XPR1: variants seen among roughly 807,000 people sequenced by gnomAD.
XPR1 encodes xenotropic and polytropic retrovirus receptor 1.
Under a neutral mutation model 87.5 loss-of-function variants are expected in XPR1, and 28 were observed. That is an observed-to-expected ratio of 0.32 (90% CI 0.24 to 0.44). The LOEUF is 0.44. Among genes scored for constraint, XPR1 ranks in the 20% least tolerant of loss-of-function variants. The pLI, the probability that XPR1 is intolerant of heterozygous loss-of-function variation, is 1.00. For missense variants in XPR1, 559 were observed against 862.3 expected (o/e 0.65, Z 4.41); for synonymous variants, 300 against 306.1 (o/e 0.98, Z 0.21).
chr1:180,788,567 C>T (rs771848160), intron 3 of XPR1, among the ~76,000 whole-genome samples: 1 of 152,092 alleles, frequency 6.6e-6, no homozygotes, highest in African/African-American at 2.4e-5. Flanking sequence ...AAATGTTACA[C>T]ATAGTTCCTG....
At chr1:180,840,326 A>C (rs1299714313) in intron 11 of XPR1, among the ~76,000 whole-genome samples, 1 of 152,004 alleles carries the variant, frequency 6.6e-6, no homozygotes, top group Non-Finnish European at 1.5e-5. Flanking sequence ...TTACATTTAC[A>C]AAAGGAATTT....
At chr1:180,769,095 GTTT>G (rs1046420478) in intron 2 of XPR1, among the ~76,000 whole-genome samples, 17 of 151,432 alleles carry the variant, frequency 1.1e-4, no homozygotes, top group African/African-American at 3.6e-4. Flanking sequence ...ATATTTTTTC[GTTT>G]TTTAAAACAT....
At chr1:180,828,113 G>A (rs1300474973) in intron 9 of XPR1, among the ~76,000 whole-genome samples, 1 of 151,922 alleles carries the variant, frequency 6.6e-6, no homozygotes, top group Non-Finnish European at 1.5e-5. Flanking sequence ...CTGGGCTCAA[G>A]TCATCTGCCT....
intron 2 of XPR1, among the ~76,000 whole-genome samples, chr1:180,708,433 A>C (rs1657630830): frequency 6.6e-6 from 1 of 152,214 alleles, no homozygotes; most frequent in Non-Finnish European, 1.5e-5. Context: ...ATGCCATTGA[A>C]TTGTACTCTT....
intron 3 of XPR1, among the ~76,000 whole-genome samples, chr1:180,796,469 G>A (rs74135836): frequency 0.017 from 2,564 of 152,224 alleles, 71 homozygotes; most frequent in African/African-American, 0.057. Context: ...AAGGAAGAGA[G>A]TCATTACTTT....
At chr1:180,735,042 C>T (rs1162765491) in intron 2 of XPR1, among the ~76,000 whole-genome samples, 2 of 152,176 alleles carry the variant, frequency 1.3e-5, no homozygotes, top group African/African-American at 4.8e-5. Context: ...GTTCTCTTGA[C>T]TTACTCATAG....
chr1:180,769,716 A>G (rs1571820093), intron 2 of XPR1, among the ~76,000 whole-genome samples: 2 of 152,270 alleles, frequency 1.3e-5, no homozygotes, highest in East Asian at 3.9e-4. Context: ...AGTCTTGGCT[A>G]TTGTGAACGG....
chr1:180,760,718 A>C lies in XPR1; in HGVS notation c.122-27035A>C, dbSNP rs531814879. ...GGTAATTTATAGATTCAATCCCATCACCATCAAGCTACCAATGGACTTTCT... is the reference window on the plus strand; with the variant it reads ...GGTAATTTATAGATTCAATCCCATCCCCATCAAGCTACCAATGGACTTTCT... On this transcript the variant is annotated intron_variant, in intron 2 of 14. Transcript: ENST00000367590. 2.6e-5 allele frequency among the ~76,000 whole-genome samples: 4 copies of C among 152,276 alleles called. No homozygotes were observed. The South Asian group carries it at 6.2e-4, about 24-fold the overall frequency.
chr1:180,757,371 A>G (rs1647788315), intron 2 of XPR1, among the ~76,000 whole-genome samples: 1 of 152,234 alleles, frequency 6.6e-6, no homozygotes, highest in Non-Finnish European at 1.5e-5. Context: ...ACAACTTTTT[A>G]GATTTTAAAA....
intron 2 of XPR1, among the ~76,000 whole-genome samples, chr1:180,724,886 T>G (rs1658284255): frequency 6.6e-6 from 1 of 152,188 alleles, no homozygotes; most frequent in South Asian, 2.1e-4. Flanking sequence ...ATAGTTAAAA[T>G]GTGGTGGTAT....
At chr1:180,806,330 C>G (rs1292065917) in intron 5 of XPR1, 119 bp downstream of exon 5, 1 of 1,477,782 alleles carries the variant, frequency 6.8e-7, no homozygotes, top group East Asian at 2.3e-5. Flanking sequence ...ATATGCCTTA[C>G]CTGTGATTTT....
intron 2 of XPR1, among the ~76,000 whole-genome samples, chr1:180,729,085 T>C (rs1033769520): frequency 2.0e-5 from 3 of 152,202 alleles, no homozygotes; most frequent in Non-Finnish European, 4.4e-5. Flanking sequence ...AATGAGAACA[T>C]GAGGTATTTG....
At chr1:180,817,826 A>G (rs1419501363) in intron 7 of XPR1, among the ~76,000 whole-genome samples, 1 of 152,192 alleles carries the variant, frequency 6.6e-6, no homozygotes, top group African/African-American at 2.4e-5. Context: ...AACTTCTAGG[A>G]TGCTTGTAAT....
At chr1:180,665,583 G>A (rs891613877) in intron 1 of XPR1, among the ~76,000 whole-genome samples, 9 of 152,188 alleles carry the variant, frequency 5.9e-5, no homozygotes, top group African/African-American at 2.2e-4. Context: ...GGCTAGGGCT[G>A]GACTAAATGC....
rs1486445115 is a variant in XPR1 at position 180,803,474 on chromosome 1, G to A, written c.310G>A (p.Val104Ile). The A allele has an allele frequency of 6.2e-7, 1 of 1,613,950 alleles. No homozygotes were observed. Among genetic ancestry groups the A allele is most frequent in the African/African-American group, 1.3e-5 (1 of 74,928 alleles). ...SLDAQKESTGVTTLRQRRKPV... is the reference protein window; with the variant it reads ...SLDAQKESTGITTLRQRRKPV... Reference sequence around the variant, plus strand: ...GGATGCACAGAAAGAAAGCACTGGTGTTACTACGCTGCGACAACGCAGAAA... The same window carrying A: ...GGATGCACAGAAAGAAAGCACTGGTATTACTACGCTGCGACAACGCAGAAA... The change falls in exon 4 of 15, where the codon GTT becomes ATT. Residue 104 changes from valine (V) to isoleucine (I), a missense_variant. Physicochemically the swap from Val to Ile is conservative, Grantham distance 29 (BLOSUM62 3). This residue lies in a region of XPR1 where 159 missense variants were observed against 263.3 expected (regional missense o/e 0.60). Coordinates refer to ENST00000367590, the MANE Select transcript of XPR1 (RefSeq NM_004736.4).
intron 1 of XPR1, among the ~76,000 whole-genome samples, chr1:180,648,177 A>G (rs1655181877): frequency 6.6e-6 from 1 of 152,166 alleles, no homozygotes; most frequent in South Asian, 2.1e-4. Flanking sequence ...AATTATTGTA[A>G]TTCAGTTTCC....
intron 1 of XPR1, among the ~76,000 whole-genome samples, chr1:180,644,368 T>TATACTTTTA (rs1326703068): frequency 6.6e-6 from 1 of 152,062 alleles, no homozygotes; most frequent in African/African-American, 2.4e-5. Flanking sequence ...TTCCTTTTCC[T>TATACTTTTA]ATACTTTTAA....
Position 180,782,442 on chromosome 1 carries a change from CTT to C in XPR1, c.122-5308_122-5307del, listed in dbSNP as rs1648976677. 2.0e-5 allele frequency among the ~76,000 whole-genome samples: 3 copies of C among 152,068 alleles called. No individual in the cohort carries two copies. The South Asian group carries it at 6.2e-4, about 32-fold the overall frequency. On this transcript the variant is annotated intron_variant, in intron 2 of 14. Coordinates refer to ENST00000367590, the MANE Select transcript of XPR1 (RefSeq NM_004736.4). ...GCAGAATTCGTTTCTAGTAAGGCCT[CTT>C]TTCTTCTTTGCAAGCATTTCCCCAA...
chr1:180,632,066 C>T lies in XPR1; in HGVS notation c.-136C>T, dbSNP rs1164949805. ...TGGCGGGCGGGCTGCTCTGAAGAGA[C>T]CTCGGCGGCGGCGGAGGAGGAGAGA... On this transcript the variant is annotated 5_prime_UTR_variant, in exon 1 of 15. Coordinates refer to ENST00000367590, the MANE Select transcript of XPR1 (RefSeq NM_004736.4). 2.1e-5 allele frequency: 21 copies of T among 1,006,988 alleles called. No homozygotes were observed. The highest frequency in any genetic ancestry group is 2.9e-5 in the Non-Finnish European group (19 of 655,084). The allele number at this position is 1,006,988 out of a possible 1,614,324, so 62.4% of individuals were successfully genotyped here.
Sources: gnomAD v4.1 joint callset for allele counts (sites outside exome capture counted in the v4.1 genomes callset) on GRCh38, gnomAD v4.1.1 for gene constraint, gnomAD v4.1.1 regional missense constraint, MANE v1.5 for transcripts, NCBI Gene and HGNC (gene_info 2026-07-23, HGNC 2026-07-21) for gene names.